The following FAM131C variants were observed in gnomAD, a reference collection of about 807,000 sequenced individuals.
FAM131C encodes the protein family with sequence similarity 131 member C, also known as protein FAM131C.
In FAM131C, 14 loss-of-function variants were observed where a neutral mutation model predicts 29.8. The ratio of observed to expected loss-of-function variants is 0.47; its 90% CI spans 0.31 to 0.73. The LOEUF is 0.73. Among genes scored for constraint, FAM131C ranks in the 30% least tolerant of loss-of-function variants. FAM131C has a pLI of 0.05. For missense variants in FAM131C, 252 were observed against 383.8 expected, an observed-to-expected ratio of 0.66 and a Z score of 2.87; for synonymous variants, 86 against 157.8, an observed-to-expected ratio of 0.54 and a Z score of 3.41.
At chr1:16,070,275 C>T (rs903113993) in intron 1 of FAM131C, among the ~76,000 whole-genome samples, 2 of 152,196 alleles carry the variant, frequency 1.3e-5, no homozygotes, top group Non-Finnish European at 2.9e-5. Flanking sequence ...TCAGGATAAG[C>T]GCTCAACAAA....
intron 1 of FAM131C, among the ~76,000 whole-genome samples, chr1:16,072,329 G>A (rs1470411865): frequency 1.3e-5 from 2 of 152,278 alleles, no homozygotes; most frequent in African/African-American, 4.8e-5. Flanking sequence ...GAAGCCCTTC[G>A]AGTCCAGAGG....
At chr1:16,064,619 G>T (rs1034403387) in intron 1 of FAM131C, among the ~76,000 whole-genome samples, 2 of 152,148 alleles carry the variant, frequency 1.3e-5, no homozygotes, top group Non-Finnish European at 2.9e-5. Flanking sequence ...TTACCACTGG[G>T]TGGGGCCGTC....
chr1:16,071,747 G>A (rs1346260016), intron 1 of FAM131C, among the ~76,000 whole-genome samples: 1 of 152,218 alleles, frequency 6.6e-6, no homozygotes, highest in African/African-American at 2.4e-5. Context: ...CTGGCAGAGG[G>A]GGCGGTGGAG....
chr1:16,064,995 G>A lies in FAM131C; in HGVS notation c.23-1359C>T, dbSNP rs532668296. Among the ~76,000 whole-genome samples, 144 of 152,202 alleles carry A rather than the reference G, an allele frequency of 9.5e-4. 1 individual carries two copies. Among genetic ancestry groups the A allele is most frequent in the African/African-American group, 3.1e-3 (129 of 41,524 alleles). ...GCTCCTCCCTGGCTCACCCCTGCCC[G>A]TTGGCTGGCACACTTCTGTCCTGGC... On this transcript the variant is annotated intron_variant, in intron 1 of 6. Coordinates refer to ENST00000375662, the MANE Select transcript of FAM131C (RefSeq NM_182623.3).
Position 16,063,576 on chromosome 1 carries a change from G to C in FAM131C, c.83C>G (p.Pro28Arg). 6.2e-7 allele frequency: 1 copy of C among 1,613,926 alleles called. No individual in the cohort carries two copies. Among genetic ancestry groups the C allele is most frequent in the Non-Finnish European group, 8.5e-7 (1 of 1,179,876 alleles). Residue 28 changes from proline to arginine, a missense_variant, in exon 2 of 7, where the codon CCA (proline) becomes CGA (arginine). This residue lies in a region of FAM131C where 76 missense variants were observed against 62.8 expected (regional missense o/e 1.21). Coordinates refer to ENST00000375662, the MANE Select transcript of FAM131C (RefSeq NM_182623.3). The stretch of plus-strand genomic sequence containing the variant: ...GGGAGTGCGGCCCGAGGGCAGATCT[G>C]GGTTCAAGGGGTCCGCACCCTGGGG... Reference protein sequence around the residue: ...PMPQGADPLNPDLPSGRTPTV... With the variant: ...PMPQGADPLNRDLPSGRTPTV...
chr1:16,071,658 T>A (rs1276222436), intron 1 of FAM131C, among the ~76,000 whole-genome samples: 1 of 152,094 alleles, frequency 6.6e-6, no homozygotes, highest in Non-Finnish European at 1.5e-5. Context: ...CAATTAGATC[T>A]GGGGGGCGCT....
intron 1 of FAM131C, 140 bp downstream of exon 1, chr1:16,073,281 C>T (rs989223720): frequency 1.5e-5 from 6 of 405,790 alleles, no homozygotes; most frequent in Non-Finnish European, 2.4e-5. Context: ...CTCTGTCCCC[C>T]TCAGGACGCC....
At chr1:16,062,358 C>A (rs111582662) in intron 3 of FAM131C, 141 bp downstream of exon 3, 2 of 799,788 alleles carry the variant, frequency 2.5e-6, no homozygotes, top group South Asian at 3.2e-5. Context: ...CACGGGACAA[C>A]CCCCACCCAC....
In FAM131C at chr1:16,063,550, T is replaced by C. The variant is rs140837783; in HGVS notation, c.109A>G (p.Thr37Ala). ...CCAATGACACAGTCTGGAGCCACGGTGGGAGTGCGGCCCGAGGGCAGATCT... is the reference window on the plus strand; with the variant it reads ...CCAATGACACAGTCTGGAGCCACGGCGGGAGTGCGGCCCGAGGGCAGATCT... ...NPDLPSGRTP[T>A]VAPDCVIGKD... Residue 37 changes from threonine to alanine, a missense_variant, in exon 2 of 7, where the codon ACC (threonine) becomes GCC (alanine). This residue lies in a region of FAM131C where 76 missense variants were observed against 62.8 expected (regional missense o/e 1.21). Coordinates refer to ENST00000375662, the MANE Select transcript of FAM131C (RefSeq NM_182623.3). The C allele has an allele frequency of 1.1e-5, 18 of 1,613,828 alleles. No homozygotes were observed. The African/African-American group carries it at 1.9e-4, about 17-fold the overall frequency.
In FAM131C at chr1:16,065,206, C is replaced by T. The variant is rs188313276; in HGVS notation, c.23-1570G>A. On this transcript the variant is annotated intron_variant, in intron 1 of 6. Coordinates refer to ENST00000375662, the MANE Select transcript of FAM131C (RefSeq NM_182623.3). ...AGAGGATTCCCAATTCCAGGTCCAC[C>T]TTCCCCCCATCCCCCACTGCACCAA... Among the ~76,000 whole-genome samples the T allele has an allele frequency of 3.1e-4, 46 of 148,936 alleles. 1 individual carries two copies. In the South Asian group the frequency reaches 3.3e-3, roughly 11 times the overall value.
chr1:16,073,433 A>C lies in FAM131C; in HGVS notation c.10T>G (p.Cys4Gly). 8.3e-7 allele frequency: 1 copy of C among 1,211,596 alleles called. No homozygotes were observed. Among genetic ancestry groups the C allele is most frequent in the Non-Finnish European group, 1.0e-6 (1 of 974,584 alleles). 75.1% of individuals were successfully genotyped at this position (1,211,596 alleles called of 1,614,324 possible). ...CGGGCCCCCTCACCTCGCGACACGC[A>C]GGAGCCCATCACGGGGCCGCGGGGC... MGS[C>G]VSRDLFTSAH... The change falls in exon 1 of 7, where the codon TGC (cysteine) becomes GGC (glycine). Residue 4 changes from cysteine to glycine, a missense_variant. Physicochemically the swap from Cys to Gly is radical, Grantham distance 159. Coordinates refer to ENST00000375662, the MANE Select transcript of FAM131C (RefSeq NM_182623.3).
At chr1:16,059,810 G>A in intron 5 of FAM131C, 59 bp downstream of exon 5, 1 of 1,267,714 alleles carries the variant, frequency 7.9e-7, no homozygotes, top group South Asian at 1.4e-5. Context: ...AGTGATCTGG[G>A]CCCCCAAGGA....
At chr1:16,068,900 C>T (rs1258498607) in intron 1 of FAM131C, among the ~76,000 whole-genome samples, 1 of 152,198 alleles carries the variant, frequency 6.6e-6, no homozygotes, top group Non-Finnish European at 1.5e-5. Context: ...GGTACCTCAC[C>T]TGTGGTCCTA....
At chr1:16,060,204 T>C (rs947945356) in intron 4 of FAM131C, among the ~76,000 whole-genome samples, 153 bp from the exon 5 acceptor site, 6 of 118,212 alleles carry the variant, frequency 5.1e-5, no homozygotes, top group African/African-American at 1.6e-4. Flanking sequence ...CCCAGGGGCC[T>C]GTACCCATCT....
At chr1:16,070,162 A>G (rs1271811097) in intron 1 of FAM131C, among the ~76,000 whole-genome samples, 1 of 152,196 alleles carries the variant, frequency 6.6e-6, no homozygotes, top group South Asian at 2.1e-4. Flanking sequence ...TGCCCTGGCC[A>G]TGTGACCTGA....
intron 1 of FAM131C, among the ~76,000 whole-genome samples, chr1:16,071,665 C>T (rs2023750838): frequency 1.3e-5 from 2 of 152,144 alleles, no homozygotes; most frequent in East Asian, 1.9e-4. Flanking sequence ...ATCTGGGGGG[C>T]GCTGAGGAAG....
At chr1:16,065,906 C>CTTTTTCT (rs111449942) in intron 1 of FAM131C, among the ~76,000 whole-genome samples, 31,057 of 148,544 alleles carry the variant, frequency 0.21, 3,853 homozygotes, top group African/African-American at 0.35. Context: ...GTTTTCTTTT[C>CTTTTTCT]TTTTTTTTTT....
At chr1:16,064,251 C>G (rs1570356176) in intron 1 of FAM131C, among the ~76,000 whole-genome samples, 1 of 152,176 alleles carries the variant, frequency 6.6e-6, no homozygotes, top group East Asian at 1.9e-4. Flanking sequence ...CCCTCCCCTA[C>G]CCCACACACT....
intron 1 of FAM131C, among the ~76,000 whole-genome samples, chr1:16,071,812 T>C (rs1239956113): frequency 9.2e-5 from 14 of 152,114 alleles, no homozygotes; most frequent in Non-Finnish European, 1.5e-4. Flanking sequence ...AGGGTGACCT[T>C]AGCAGGCGTC....
Sources: gnomAD v4.1 joint callset for allele counts (sites outside exome capture counted in the v4.1 genomes callset) on GRCh38, gnomAD v4.1.1 for gene constraint, gnomAD v4.1.1 regional missense constraint, MANE v1.5 for transcripts, NCBI Gene and HGNC (gene_info 2026-07-23, HGNC 2026-07-21) for gene names.